Variants in SGCD observed in about 807,000 individuals in gnomAD.
SGCD encodes delta-sarcoglycan.
In SGCD, 18 loss-of-function variants were observed where a neutral mutation model predicts 36.6. The ratio of observed to expected loss-of-function variants is 0.49; its 90% confidence interval spans 0.34 to 0.73. The LOEUF (loss-of-function observed/expected upper bound fraction) is 0.73. Among genes scored for constraint, SGCD ranks in the 30% least tolerant of loss-of-function variants. The pLI, the probability that SGCD is intolerant of heterozygous loss-of-function variation, is 0.01. For synonymous variants in SGCD, 133 were observed against 130.6 expected, an observed-to-expected ratio of 1.02 and a Z score of -0.12; for missense variants, 387 against 346.7, an observed-to-expected ratio of 1.12 and a Z score of -0.92.
chr5:156,251,835 A>G (rs1478566370), intron 3 of SGCD, among the ~76,000 whole-genome samples: 1 of 151,648 alleles, frequency 6.6e-6, no homozygotes, highest in African/African-American at 2.4e-5. Context: ...TTAAAACTCG[A>G]AACTGTCTTG....
the SGCD span, among the ~76,000 whole-genome samples, chr5:155,818,096 A>G: frequency 6.6e-6 from 1 of 152,232 alleles, no homozygotes; most frequent in East Asian, 1.9e-4. Context: ...GAGCCAGGTT[A>G]TGATTTAGAA....
chr5:156,350,999 C>G (rs1050025820), intron 3 of SGCD, among the ~76,000 whole-genome samples: 1 of 152,154 alleles, frequency 6.6e-6, no homozygotes, highest in Non-Finnish European at 1.5e-5. Context: ...AATGATCTGG[C>G]TCTTCAACAG....
intron 3 of SGCD, among the ~76,000 whole-genome samples, chr5:156,233,072 G>A (rs1462761714): frequency 1.3e-5 from 2 of 152,140 alleles, no homozygotes; most frequent in Non-Finnish European, 2.9e-5. Context: ...TTGACAATAG[G>A]ACACCAGGGA....
At chr5:156,071,323 A>G (rs986205424) in intron 1 of SGCD, among the ~76,000 whole-genome samples, 2 of 152,184 alleles carry the variant, frequency 1.3e-5, no homozygotes. Flanking sequence ...AGATTCTGGT[A>G]TGTTGTATCT....
the SGCD span, among the ~76,000 whole-genome samples, chr5:155,759,919 G>A: frequency 2.3e-4 from 35 of 152,114 alleles, no homozygotes; most frequent in Non-Finnish European, 3.8e-4. Context: ...AATTTTCTAC[G>A]AAGTAACTCA....
chr5:156,386,471 T>G (rs987523842), intron 3 of SGCD, among the ~76,000 whole-genome samples: 4 of 152,274 alleles, frequency 2.6e-5, no homozygotes, highest in Non-Finnish European at 5.9e-5. Flanking sequence ...ATTGAATGGA[T>G]GAATCACTGG....
At chr5:156,705,936 C>T (rs1369374012) in intron 7 of SGCD, among the ~76,000 whole-genome samples, 1 of 152,066 alleles carries the variant, frequency 6.6e-6, no homozygotes, top group African/African-American at 2.4e-5. Flanking sequence ...ATGGTGAGTT[C>T]AAATATGTTT....
In SGCD at chr5:156,302,026, C is replaced by T. The variant is rs117739844; in HGVS notation, c.-43-27508C>T. 4.5e-4 allele frequency among the ~76,000 whole-genome samples: 69 copies of T among 152,104 alleles called. 1 individual carries two copies. In the East Asian group the frequency reaches 0.013, roughly 29 times the overall value. On this transcript the variant is annotated intron_variant, in intron 3 of 9. Transcript: ENST00000517913. ...AACCTGCTTGATGTTCTATAAGCTT[C>T]TTGTACTTGAATATTGATAACTTTC...
At chr5:156,390,638 G>A (rs139831775) in intron 3 of SGCD, among the ~76,000 whole-genome samples, 2,078 of 152,214 alleles carry the variant, frequency 0.014, 22 homozygotes, top group Non-Finnish European at 0.023. Flanking sequence ...GCTGAGGCAG[G>A]AGAATCACTT....
intron 3 of SGCD, among the ~76,000 whole-genome samples, chr5:156,354,325 G>A (rs915490495): frequency 4.6e-5 from 7 of 152,046 alleles, no homozygotes; most frequent in Non-Finnish European, 8.8e-5. Context: ...TGATTGGGGA[G>A]CCTCAGGCAT....
At chr5:156,465,420 T>G (rs1754679748) in intron 3 of SGCD, among the ~76,000 whole-genome samples, 2 of 152,192 alleles carry the variant, frequency 1.3e-5, no homozygotes, top group Non-Finnish European at 2.9e-5. Flanking sequence ...AAATAAAATC[T>G]TTAGGCAACG....
intron 1 of SGCD, among the ~76,000 whole-genome samples, chr5:155,934,138 T>C (rs1274818452): frequency 6.6e-6 from 1 of 152,218 alleles, no homozygotes; most frequent in Non-Finnish European, 1.5e-5. Context: ...ATCAAGACAG[T>C]ATCAGATGGG....
intron 1 of SGCD, among the ~76,000 whole-genome samples, chr5:156,039,739 G>T (rs547782482): frequency 6.6e-6 from 1 of 152,020 alleles, no homozygotes; most frequent in African/African-American, 2.4e-5. Context: ...CTTTTACTAC[G>T]GAGAGAGTAG....
chr5:155,823,412 G>A, the SGCD span, among the ~76,000 whole-genome samples: 1 of 151,964 alleles, frequency 6.6e-6, no homozygotes, highest in East Asian at 1.9e-4. Context: ...ACATTTGGGA[G>A]GAAAATCAAC....
chr5:156,279,454 C>T (rs1166983270), intron 3 of SGCD, among the ~76,000 whole-genome samples: 2 of 152,094 alleles, frequency 1.3e-5, no homozygotes, highest in Non-Finnish European at 2.9e-5. Flanking sequence ...TTACTTCTTC[C>T]CTACTTGTTA....
At chr5:156,444,659 A>G (rs1374552756) in intron 3 of SGCD, among the ~76,000 whole-genome samples, 2 of 152,110 alleles carry the variant, frequency 1.3e-5, no homozygotes, top group African/African-American at 4.8e-5. Context: ...AGGAAGAAAA[A>G]GGTTCTGTCC....
chr5:155,944,058 ATAGT>A (rs1757389908), intron 1 of SGCD, among the ~76,000 whole-genome samples: 1 of 152,140 alleles, frequency 6.6e-6, no homozygotes, highest in Non-Finnish European at 1.5e-5. Flanking sequence ...GTATTTGAAG[ATAGT>A]TTGTTCTGCC....
At chr5:156,098,652 A>G (rs1003465707) in intron 1 of SGCD, among the ~76,000 whole-genome samples, 83 of 152,118 alleles carry the variant, frequency 5.5e-4, no homozygotes, top group African/African-American at 1.9e-3. Context: ...ACACACACAC[A>G]CACACACACA....
intron 4 of SGCD, among the ~76,000 whole-genome samples, chr5:156,511,392 G>T (rs535444835): frequency 6.6e-5 from 10 of 152,242 alleles, no homozygotes; most frequent in South Asian, 6.2e-4. Flanking sequence ...CAGTCTCTTC[G>T]CTGTCTGCTG....
Sources: allele counts gnomAD v4.1 joint callset (sites outside exome capture counted in the v4.1 genomes callset), GRCh38; gene constraint gnomAD v4.1.1; transcripts MANE v1.5; gene names NCBI Gene and HGNC (gene_info 2026-07-23, HGNC 2026-07-21).